The following PFKFB4 variants were observed in gnomAD, a reference collection of about 807,000 sequenced individuals.
PFKFB4 encodes the protein 6-phosphofructo-2-kinase/fructose-2,6-bisphosphatase 4.
PFKFB4 carries 42 observed loss-of-function variants against 62.8 expected under a neutral mutation model. The ratio of observed to expected loss-of-function variants is 0.67; its 90% CI spans 0.52 to 0.86. The LOEUF (loss-of-function observed/expected upper bound fraction) is 0.86, where lower values mean the gene tolerates loss of function less well. Ranked by LOEUF, PFKFB4 falls within the 40% of genes least tolerant of loss-of-function variation. The pLI, the probability that PFKFB4 is intolerant of heterozygous loss-of-function variation, is 0.00. For missense variants in PFKFB4, 475 were observed against 627.2 expected, an observed-to-expected ratio of 0.76 and a Z score of 2.59; for synonymous variants, 204 against 240.7, an observed-to-expected ratio of 0.85 and a Z score of 1.41.
At chr3:48,558,902 G>C (rs916759987), upstream of PFKFB4, among the ~76,000 whole-genome samples, 1 of 152,190 alleles carries the variant, frequency 6.6e-6, no homozygotes, top group African/African-American at 2.4e-5. Context: ...CACTGCCAAG[G>C]CCATCTTGGG....
At chr3:48,523,989 G>A (rs989369608) in intron 10 of PFKFB4, among the ~76,000 whole-genome samples, 159 bp from the exon 11 acceptor site, 1 of 152,172 alleles carries the variant, frequency 6.6e-6, no homozygotes, top group Non-Finnish European at 1.5e-5. Context: ...CCATGGGGGT[G>A]GGCAGCTGAG....
rs989564440 is a variant in PFKFB4 at position 48,556,459 on chromosome 3, A to G, written c.97+222T>C. ...GCCACCGCCAAGCCGATATGCCCCC[A>G]CACACCTGTCCCCGCCCCCTGCTCT... On this transcript the variant is annotated intron_variant, in intron 1 of 13. Transcript: ENST00000232375. The surrounding 1 kb of genome is among the most constrained non-coding windows in gnomAD (Gnocchi z 5.7). 6.6e-6 allele frequency among the ~76,000 whole-genome samples: 1 copy of G among 151,652 alleles called. No individual in the cohort carries two copies. Among genetic ancestry groups the G allele is most frequent in the Non-Finnish European group, 1.5e-5 (1 of 67,904 alleles).
At chr3:48,520,665 G>A (rs546310126) in intron 13 of PFKFB4, among the ~76,000 whole-genome samples, 7 of 152,316 alleles carry the variant, frequency 4.6e-5, no homozygotes, top group East Asian at 3.9e-4. Context: ...TTCCTGAGGC[G>A]CCCCTTTTCC....
intron 9 of PFKFB4, among the ~76,000 whole-genome samples, chr3:48,532,396 T>C (rs960206916): frequency 3.3e-5 from 5 of 152,230 alleles, no homozygotes; most frequent in African/African-American, 4.8e-5. Flanking sequence ...CCAAAAAGAA[T>C]TGAATTGAGA....
At position 48,539,168 on chromosome 3, in the gene PFKFB4, C is replaced by T. The variant is rs1044889478; in HGVS notation, c.510+86G>A. 4.2e-5 allele frequency: 43 copies of T among 1,016,628 alleles called. No individual in the cohort carries two copies. In the Admixed American group the frequency reaches 7.7e-4, roughly 18 times the overall value. The allele number at this position is 1,016,628 out of a possible 1,614,324, so 63.0% of individuals were successfully genotyped here. On this transcript the variant is annotated intron_variant, in intron 6 of 13. Transcript: ENST00000232375. The stretch of plus-strand genomic sequence containing the variant: ...ACTTCCTCCCTACCCCCACAAGGTT[C>T]AAGATCAAATTAAGGTTAGCCAAAA...
chr3:48,547,677 T>C (rs1169325111), intron 3 of PFKFB4, among the ~76,000 whole-genome samples: 1 of 152,222 alleles, frequency 6.6e-6, no homozygotes, highest in Non-Finnish European at 1.5e-5. Context: ...TTTTGCCATG[T>C]TGGCCAGGCT....
At chr3:48,523,420 G>T in intron 12 of PFKFB4, 117 bp downstream of exon 12, 1 of 952,450 alleles carries the variant, frequency 1.0e-6, no homozygotes, top group Non-Finnish European at 1.7e-6. Flanking sequence ...TGGTGGGGTA[G>T]TAGGTGGAGG....
In PFKFB4 at chr3:48,519,808, T is replaced by C; in HGVS notation, c.1351-2A>G. 1 of 1,612,986 alleles carries C rather than the reference T, an allele frequency of 6.2e-7. No homozygotes were observed. Among genetic ancestry groups the C allele is most frequent in the Non-Finnish European group, 8.5e-7 (1 of 1,179,042 alleles). ...TGGAGGTCTTGAGATGTCCACGTTCTGTACAATAAAAACACAGAGCGTTCA... is the reference window on the plus strand; with the variant it reads ...TGGAGGTCTTGAGATGTCCACGTTCCGTACAATAAAAACACAGAGCGTTCA... On this transcript the variant is annotated splice_acceptor_variant, in intron 13 of 13. Transcript: ENST00000232375. LOFTEE classifies it high-confidence loss of function.
intron 9 of PFKFB4, chr3:48,525,944 G>A (rs926656015): frequency 2.0e-5 from 5 of 244,228 alleles, no homozygotes; most frequent in Non-Finnish European, 3.9e-5. Flanking sequence ...TTTCTGTGCT[G>A]TGGAAATAGT....
Position 48,530,160 on chromosome 3 carries a change from C to T in PFKFB4, c.988-4491G>A, listed in dbSNP as rs367732767. Among the ~76,000 whole-genome samples, 9 of 151,658 alleles carry T rather than the reference C, an allele frequency of 5.9e-5. No homozygotes were observed. The East Asian group carries it at 9.7e-4, about 16-fold the overall frequency. ...CCCAGCTACTCGGGAGGCTGAGGCA[C>T]GAGAATCACTTAAACCCGGGAGGTA... On this transcript the variant is annotated intron_variant, in intron 9 of 13. Coordinates refer to ENST00000232375, the MANE Select transcript of PFKFB4 (RefSeq NM_004567.4).
intron 3 of PFKFB4, among the ~76,000 whole-genome samples, chr3:48,544,572 G>A (rs1404022585): frequency 6.7e-6 from 1 of 150,150 alleles, no homozygotes; most frequent in African/African-American, 2.5e-5. Flanking sequence ...TCAGCCTCCA[G>A]AGTAGCTGAA....
chr3:48,560,459 C>G (rs973950086), upstream of PFKFB4, among the ~76,000 whole-genome samples: 1 of 152,196 alleles, frequency 6.6e-6, no homozygotes, highest in African/African-American at 2.4e-5. Context: ...AACCATGTCA[C>G]CAAGCAGCCT....
At chr3:48,546,124 C>CATGTA (rs1428709482) in intron 3 of PFKFB4, among the ~76,000 whole-genome samples, 2 of 152,044 alleles carry the variant, frequency 1.3e-5, no homozygotes, top group African/African-American at 2.4e-5. Context: ...CAAGTGTGTA[C>CATGTA]ATGTAAATCT....
At chr3:48,531,852 C>A (rs565197980) in intron 9 of PFKFB4, among the ~76,000 whole-genome samples, 49 of 151,964 alleles carry the variant, frequency 3.2e-4, no homozygotes, top group Admixed American at 1.3e-3. Flanking sequence ...AACCAAGATG[C>A]AATACCACAC....
chr3:48,546,159 C>T (rs987616363), intron 3 of PFKFB4, among the ~76,000 whole-genome samples: 11 of 151,998 alleles, frequency 7.2e-5, no homozygotes, highest in Non-Finnish European at 1.5e-4. Flanking sequence ...GTGAGTATTC[C>T]CTGGGCCCAT....
At chr3:48,558,798 T>C (rs2107616426), upstream of PFKFB4, among the ~76,000 whole-genome samples, 1 of 152,300 alleles carries the variant, frequency 6.6e-6, no homozygotes, top group East Asian at 1.9e-4. Flanking sequence ...CATGGGCGGC[T>C]CCTGATGAGC....
At chr3:48,529,450 G>A (rs1314499759) in intron 9 of PFKFB4, among the ~76,000 whole-genome samples, 2 of 152,164 alleles carry the variant, frequency 1.3e-5, no homozygotes, top group East Asian at 1.9e-4. Flanking sequence ...AAGCATCTTG[G>A]AAAATAATCA....
chr3:48,553,367 G>A (rs1404434268), intron 1 of PFKFB4, among the ~76,000 whole-genome samples: 1 of 152,094 alleles, frequency 6.6e-6, no homozygotes, highest in African/African-American at 2.4e-5. Context: ...CCAGCTACTC[G>A]GGAAGCTGAG....
chr3:48,539,251 C>T lies in PFKFB4; in HGVS notation c.510+3G>A, dbSNP rs779703395. On this transcript the variant is annotated splice_donor_region_variant and intron_variant, in intron 6 of 13. Coordinates refer to ENST00000232375, the MANE Select transcript of PFKFB4 (RefSeq NM_004567.4). Reference sequence around the variant, plus strand: ...TTCTGACAAGGTCAGATGCACTACTCACCACGATGTTGGCAGCTATGACCT... The same window carrying T: ...TTCTGACAAGGTCAGATGCACTACTTACCACGATGTTGGCAGCTATGACCT... The T allele has an allele frequency of 6.8e-6, 11 of 1,611,716 alleles. No homozygotes were observed. The highest frequency in any genetic ancestry group is 9.3e-6 in the Non-Finnish European group (11 of 1,177,970).
Sources: gnomAD v4.1 joint callset for allele counts (sites outside exome capture counted in the v4.1 genomes callset) on GRCh38, gnomAD v4.1.1 for gene constraint, Gnocchi (gnomAD v3.1) non-coding constraint, MANE v1.5 for transcripts, NCBI Gene and HGNC (gene_info 2026-07-23, HGNC 2026-07-21) for gene names.